The following GTF2H5 variants were observed in gnomAD, a reference collection of about 807,000 sequenced individuals.
GTF2H5 encodes general transcription factor IIH subunit 5, also known as TFB5 ortholog.
In GTF2H5, 5 loss-of-function variants were observed where a neutral mutation model predicts 7.1. The ratio of observed to expected loss-of-function variants is 0.71; its 90% CI spans 0.37 to 1.49. GTF2H5 has a LOEUF of 1.49. GTF2H5 is among the 40% of genes most tolerant of loss of function. The pLI is 0.03. For synonymous variants in GTF2H5, 30 were observed against 31.7 expected (o/e 0.95, Z 0.18); for missense variants, 80 against 83.0 (o/e 0.96, Z 0.14).
intron 2 of GTF2H5, among the ~76,000 whole-genome samples, chr6:158,171,841 CG>C (rs1282380873): frequency 6.6e-6 from 1 of 152,078 alleles, no homozygotes; most frequent in Non-Finnish European, 1.5e-5. Context: ...TAAACCACTG[CG>C]GGGGAGAGGT....
intron 2 of GTF2H5, among the ~76,000 whole-genome samples, chr6:158,188,797 G>A (rs1040469825): frequency 1.8e-4 from 27 of 152,176 alleles, no homozygotes; most frequent in Admixed American, 6.5e-4. Flanking sequence ...GCATGTCAGT[G>A]TCATCCCGGA....
At chr6:158,170,686 G>A (rs1314187523) in intron 2 of GTF2H5, 148 bp downstream of exon 2, 5 of 680,054 alleles carry the variant, frequency 7.4e-6, no homozygotes, top group Admixed American at 4.6e-5. Flanking sequence ...TTGTTGCAAA[G>A]CTCCTGGTGC....
chr6:158,171,664 G>T (rs559232995), intron 2 of GTF2H5, among the ~76,000 whole-genome samples: 1 of 152,318 alleles, frequency 6.6e-6, no homozygotes, highest in South Asian at 2.1e-4. Flanking sequence ...TGTGGAAAAG[G>T]AAAGGGAGGT....
intron 2 of GTF2H5, among the ~76,000 whole-genome samples, chr6:158,188,827 C>G (rs1053276670): frequency 4.1e-4 from 63 of 152,088 alleles, no homozygotes; most frequent in African/African-American, 1.5e-3. Flanking sequence ...TCTCATTAAG[C>G]CTTATATGCC....
At chr6:158,170,409 T>G in intron 1 of GTF2H5, 61 bp from the exon 2 acceptor site, 1 of 982,496 alleles carries the variant, frequency 1.0e-6, no homozygotes, top group South Asian at 1.3e-5. Context: ...CAGAGGCAGA[T>G]CCCCAAAGTA....
At chr6:158,181,384 G>A (rs1036652401) in intron 2 of GTF2H5, among the ~76,000 whole-genome samples, 2 of 152,160 alleles carry the variant, frequency 1.3e-5, no homozygotes, top group African/African-American at 4.8e-5. Context: ...ATGTCTGTTA[G>A]GTCCACTTGG....
At chr6:158,189,961 C>T (rs1025452185) in intron 2 of GTF2H5, among the ~76,000 whole-genome samples, 2 of 152,178 alleles carry the variant, frequency 1.3e-5, no homozygotes, top group Non-Finnish European at 2.9e-5. Flanking sequence ...TTGTTCACAT[C>T]GCTTTCAGGA....
intron 2 of GTF2H5, among the ~76,000 whole-genome samples, chr6:158,176,489 T>C (rs1044341480): frequency 6.6e-6 from 1 of 152,194 alleles, no homozygotes; most frequent in African/African-American, 2.4e-5. Context: ...CCTCCCAAAA[T>C]GCTGGGATTA....
At chr6:158,188,080 G>A (rs1776960090) in intron 2 of GTF2H5, among the ~76,000 whole-genome samples, 1 of 152,206 alleles carries the variant, frequency 6.6e-6, no homozygotes, top group Admixed American at 6.5e-5. Context: ...ATCCCATTGT[G>A]TAAAGTGTAT....
intron 2 of GTF2H5, among the ~76,000 whole-genome samples, chr6:158,184,345 A>G (rs1257464559): frequency 6.6e-6 from 1 of 152,124 alleles, no homozygotes; most frequent in Non-Finnish European, 1.5e-5. Context: ...AACTTTATAC[A>G]TTATACATAT....
chr6:158,171,714 G>C (rs553712655), intron 2 of GTF2H5, among the ~76,000 whole-genome samples: 2 of 152,200 alleles, frequency 1.3e-5, no homozygotes, highest in Admixed American at 6.5e-5. Context: ...GTTTTACTGT[G>C]ATCATGAGCA....
chr6:158,197,779 T>C lies in GTF2H5; in HGVS notation c.*5622T>C, dbSNP rs999719186. 15 of 152,090 alleles carry C rather than the reference T, an allele frequency of 9.9e-5. No individual in the cohort carries two copies. Among genetic ancestry groups the C allele is most frequent in the African/African-American group, 3.6e-4 (15 of 41,406 alleles). 9.4% of individuals were successfully genotyped at this position (152,090 alleles called of 1,614,324 possible). A position where few individuals can be genotyped will look rare whatever the true frequency, so the allele number is the denominator to read the frequency against. On this transcript the variant is annotated 3_prime_UTR_variant, in exon 3 of 3. Transcript: ENST00000607778. ...AGAATTTCTATCAAAAATCATTAGGTATCCATCTCCCAGTCCTGATTTGGC... is the reference window on the plus strand; with the variant it reads ...AGAATTTCTATCAAAAATCATTAGGCATCCATCTCCCAGTCCTGATTTGGC...
chr6:158,197,136 G>A lies in GTF2H5; in HGVS notation c.*4979G>A, dbSNP rs1222937858. 6.5e-6 allele frequency: 1 copy of A among 153,744 alleles called. No individual in the cohort carries two copies. The highest frequency in any genetic ancestry group is 1.5e-5 in the Non-Finnish European group (1 of 68,044). 9.5% of individuals were successfully genotyped at this position (153,744 alleles called of 1,614,324 possible). A position where few individuals can be genotyped will look rare whatever the true frequency, so the allele number is the denominator to read the frequency against. Reference sequence around the variant, plus strand: ...TTTAAAACCTTGAATTCAGAGACAGGTATAAAGACTGCTTGGTGATTTTGA... The same window carrying A: ...TTTAAAACCTTGAATTCAGAGACAGATATAAAGACTGCTTGGTGATTTTGA... On this transcript the variant is annotated 3_prime_UTR_variant, in exon 3 of 3. Transcript: ENST00000607778.
rs1488115509 is a variant in GTF2H5 at position 158,169,659 on chromosome 6, A to G, written c.-34-811A>G. Among the ~76,000 whole-genome samples, 12 of 68,640 alleles carry G rather than the reference A, an allele frequency of 1.7e-4. 2 individuals carry two copies. Among genetic ancestry groups the G allele is most frequent in the Admixed American group, 5.1e-4 (2 of 3,908 alleles). The allele number at this position is 68,640 out of a possible 152,430, so 45.0% of individuals were successfully genotyped here. A position where few individuals can be genotyped will look rare whatever the true frequency, so the allele number is the denominator to read the frequency against. ...ATTACATATATTGTATATTACATAT[A>G]ATATATTGTATATTATATAATATAT... is the stretch of plus-strand genomic sequence containing the variant. On this transcript the variant is annotated intron_variant, in intron 1 of 2. Coordinates refer to ENST00000607778, the MANE Select transcript of GTF2H5 (RefSeq NM_207118.3).
intron 2 of GTF2H5, among the ~76,000 whole-genome samples, chr6:158,182,123 T>C (rs1372517698): frequency 6.6e-6 from 1 of 152,234 alleles, no homozygotes; most frequent in African/African-American, 2.4e-5. Flanking sequence ...TTATTTCTCC[T>C]TCACTTATGA....
chr6:158,199,309 C>A lies in GTF2H5; in HGVS notation c.*7152C>A, dbSNP rs1440606610. 6.6e-6 allele frequency: 1 copy of A among 152,076 alleles called. No individual in the cohort carries two copies. Among genetic ancestry groups the A allele is most frequent in the Non-Finnish European group, 1.5e-5 (1 of 68,026 alleles). The allele number at this position is 152,076 out of a possible 1,614,324, so 9.4% of individuals were successfully genotyped here. A position where few individuals can be genotyped will look rare whatever the true frequency, so the allele number is the denominator to read the frequency against. On this transcript the variant is annotated 3_prime_UTR_variant, in exon 3 of 3. Transcript: ENST00000607778. The stretch of plus-strand genomic sequence containing the variant: ...TCCATGGGACAAGCATGTACATGCA[C>A]CCCCTGAGTCTAAAATAAAAATTTT...
At chr6:158,191,576 A>G (rs1422197900) in intron 2 of GTF2H5, among the ~76,000 whole-genome samples, 2 of 150,584 alleles carry the variant, frequency 1.3e-5, no homozygotes. Flanking sequence ...TCTGCCTCCC[A>G]GGTTCACACC....
At chr6:158,176,899 G>C (rs1392513020) in intron 2 of GTF2H5, among the ~76,000 whole-genome samples, 1 of 152,232 alleles carries the variant, frequency 6.6e-6, no homozygotes, top group Non-Finnish European at 1.5e-5. Context: ...TCTGCAGCAG[G>C]AGCATGTCCT....
At chr6:158,190,265 C>T (rs942434344) in intron 2 of GTF2H5, among the ~76,000 whole-genome samples, 29 of 152,184 alleles carry the variant, frequency 1.9e-4, no homozygotes, top group Admixed American at 5.9e-4. Flanking sequence ...TAAAAATCTC[C>T]TCCAGTCTTC....
Sources: allele counts gnomAD v4.1 joint callset (sites outside exome capture counted in the v4.1 genomes callset), GRCh38; gene constraint gnomAD v4.1.1; transcripts MANE v1.5; gene names NCBI Gene and HGNC (gene_info 2026-07-23, HGNC 2026-07-21).